The following TMEM132D variants were observed in gnomAD, a reference collection of about 807,000 sequenced individuals.
TMEM132D encodes mature OL transmembrane protein.
Under a neutral mutation model 62.3 loss-of-function variants are expected in TMEM132D, and 21 were observed. The ratio of observed to expected loss-of-function variants is 0.34; its 90% confidence interval spans 0.24 to 0.49. TMEM132D has a LOEUF of 0.49. Ranked by LOEUF, TMEM132D falls within the 20% of genes least tolerant of loss-of-function variation. TMEM132D has a pLI of 0.99. For synonymous variants in TMEM132D, 621 were observed against 575.6 expected (o/e 1.08, Z -1.13); for missense variants, 1,346 against 1,402.8 (o/e 0.96, Z 0.65).
Position 129,087,912 on chromosome 12 carries a change from T to C in TMEM132D, c.1444-3210A>G, listed in dbSNP as rs1023387674. ...ACCGGGGTGTCCTCCCTGACCGGGG[T>C]GTCCTCCCTGACCGGGTGTCCTCCA... On this transcript the variant is annotated intron_variant, in intron 5 of 8. Transcript: ENST00000422113. Among the ~76,000 whole-genome samples the C allele has an allele frequency of 9.6e-3, 575 of 59,756 alleles. 52 individuals carry two copies. Among genetic ancestry groups the C allele is most frequent in the African/African-American group, 0.037 (372 of 9,960 alleles). 39.2% of individuals were successfully genotyped at this position (59,756 alleles called of 152,430 possible).
chr12:129,380,334 C>T (rs1870903729), intron 3 of TMEM132D, among the ~76,000 whole-genome samples: 1 of 152,156 alleles, frequency 6.6e-6, no homozygotes, highest in Non-Finnish European at 1.5e-5. Context: ...CTCAAAGTCT[C>T]CACTTTCATC....
chr12:129,663,691 T>C (rs1880303350), intron 2 of TMEM132D, among the ~76,000 whole-genome samples: 1 of 152,168 alleles, frequency 6.6e-6, no homozygotes, highest in Non-Finnish European at 1.5e-5. Context: ...GACCAGGAAT[T>C]ACTTCTGAAT....
chr12:129,264,772 G>A (rs1165488504), intron 4 of TMEM132D, among the ~76,000 whole-genome samples: 1 of 152,216 alleles, frequency 6.6e-6, no homozygotes, highest in African/African-American at 2.4e-5. Context: ...GCAGTGAGCT[G>A]GATGAGACTG....
intron 4 of TMEM132D, among the ~76,000 whole-genome samples, chr12:129,320,532 T>C (rs547382153): frequency 1.3e-5 from 2 of 152,198 alleles, no homozygotes; most frequent in Admixed American, 6.5e-5. Flanking sequence ...TAGAAGAGAC[T>C]GGAAATGTAG....
intron 2 of TMEM132D, among the ~76,000 whole-genome samples, chr12:129,691,405 G>C (rs1881057294): frequency 6.6e-6 from 1 of 151,778 alleles, no homozygotes; most frequent in Non-Finnish European, 1.5e-5. Context: ...TTAATTCTTT[G>C]AAAATATCAA....
chr12:129,340,652 T>G (rs532353593), intron 3 of TMEM132D, among the ~76,000 whole-genome samples: 7 of 152,170 alleles, frequency 4.6e-5, no homozygotes, highest in Non-Finnish European at 1.0e-4. Context: ...ATTTTTTATG[T>G]CTGCATAGTA....
intron 5 of TMEM132D, among the ~76,000 whole-genome samples, chr12:129,194,496 T>C (rs957251049): frequency 6.6e-6 from 1 of 152,180 alleles, no homozygotes; most frequent in Non-Finnish European, 1.5e-5. Context: ...ACAGAAAAGA[T>C]CACTATTTGG....
chr12:129,716,520 C>T (rs533053608), intron 1 of TMEM132D, among the ~76,000 whole-genome samples: 2 of 152,282 alleles, frequency 1.3e-5, no homozygotes, highest in South Asian at 4.1e-4. Flanking sequence ...AAATTAGAAA[C>T]GCCAAAATGA....
chr12:129,687,758 G>T (rs147349032), intron 2 of TMEM132D, among the ~76,000 whole-genome samples: 1 of 152,094 alleles, frequency 6.6e-6, no homozygotes, highest in Admixed American at 6.5e-5. Context: ...TTTGGGTCCT[G>T]CTTGGCTCTG....
At chr12:129,227,483 G>T (rs534466820) in intron 4 of TMEM132D, among the ~76,000 whole-genome samples, 2 of 149,522 alleles carry the variant, frequency 1.3e-5, no homozygotes, top group East Asian at 3.9e-4. Flanking sequence ...CCACATGAAT[G>T]AGTTTAAGAC....
At position 129,073,898 on chromosome 12, in the gene TMEM132D, C is replaced by G; in HGVS notation, c.3277G>C (p.Glu1093Gln). 1 of 1,550,840 alleles carries G rather than the reference C, an allele frequency of 6.4e-7. No individual in the cohort carries two copies. The highest frequency in any genetic ancestry group is 8.7e-7 in the Non-Finnish European group (1 of 1,150,858). ...GCTTACACATTTTCATGTAACCTCT[C>G]CATGTAGTTGTGCAGCTCTTTGCAG... ...GDCKELHNYM[E>Q]RLHENV The change falls in exon 9 of 9, where the codon GAG (glutamate) becomes CAG (glutamine). Residue 1093 changes from glutamate to glutamine, a missense_variant. By Grantham distance (29) the Glu-to-Gln change is conservative. Coordinates refer to ENST00000422113, the MANE Select transcript of TMEM132D (RefSeq NM_133448.3).
chr12:129,467,411 T>C (rs1873945093), intron 3 of TMEM132D, among the ~76,000 whole-genome samples: 3 of 152,166 alleles, frequency 2.0e-5, no homozygotes, highest in African/African-American at 4.8e-5. Flanking sequence ...GTGGCTTCCC[T>C]ATAGCTCCAG....
At chr12:129,081,113 C>A (rs898446718) in intron 7 of TMEM132D, among the ~76,000 whole-genome samples, 1 of 152,156 alleles carries the variant, frequency 6.6e-6, no homozygotes, top group African/African-American at 2.4e-5. Flanking sequence ...AGTTGCTGGC[C>A]GTGCCTGTGA....
At chr12:129,225,150 G>A (rs1038521913) in intron 4 of TMEM132D, among the ~76,000 whole-genome samples, 2 of 152,154 alleles carry the variant, frequency 1.3e-5, no homozygotes, top group African/African-American at 4.8e-5. Flanking sequence ...GCGAAATCGG[G>A]ACTGGAAAAG....
intron 2 of TMEM132D, among the ~76,000 whole-genome samples, chr12:129,687,251 G>A (rs1235679660): frequency 6.6e-6 from 1 of 152,166 alleles, no homozygotes. Flanking sequence ...GCATATAAAG[G>A]AGGAATGTGA....
At chr12:129,154,462 T>C (rs2135537549) in intron 5 of TMEM132D, among the ~76,000 whole-genome samples, 1 of 152,342 alleles carries the variant, frequency 6.6e-6, no homozygotes, top group East Asian at 1.9e-4. Context: ...CTTCTAGAAC[T>C]GTATAAAAAT....
chr12:129,711,433 GGGA>G (rs1429551215), intron 1 of TMEM132D, among the ~76,000 whole-genome samples: 1 of 152,094 alleles, frequency 6.6e-6, no homozygotes, highest in African/African-American at 2.4e-5. Context: ...GTTTAAACAT[GGGA>G]TTATATAGGC....
chr12:129,434,522 C>T (rs1024878685), intron 3 of TMEM132D, among the ~76,000 whole-genome samples: 81 of 152,210 alleles, frequency 5.3e-4, no homozygotes, highest in African/African-American at 1.8e-3. Context: ...AGATGGCATG[C>T]TAAGGGGGCG....
intron 1 of TMEM132D, among the ~76,000 whole-genome samples, chr12:129,864,139 CT>C (rs1773865816): frequency 6.6e-6 from 1 of 152,180 alleles, no homozygotes; most frequent in African/African-American, 2.4e-5. Context: ...CCAGCGCCAT[CT>C]TGTGAGGAGA....
Sources: gnomAD v4.1 joint callset for allele counts (sites outside exome capture counted in the v4.1 genomes callset) on GRCh38, gnomAD v4.1.1 for gene constraint, MANE v1.5 for transcripts, NCBI Gene and HGNC (gene_info 2026-07-23, HGNC 2026-07-21) for gene names.